JAKMIP1: variants seen among roughly 807,000 people sequenced by gnomAD.
JAKMIP1 encodes the protein janus kinase and microtubule-interacting protein 1.
JAKMIP1 carries 33 observed loss-of-function variants against 113.0 expected under a neutral mutation model. The ratio of observed to expected loss-of-function variants is 0.29; its 90% CI spans 0.22 to 0.39. The LOEUF (loss-of-function observed/expected upper bound fraction) is 0.39, where lower values mean the gene tolerates loss of function less well. Ranked by LOEUF, JAKMIP1 falls within the 10% of genes least tolerant of loss-of-function variation. JAKMIP1 has a pLI of 1.00. For synonymous variants in JAKMIP1, 480 were observed against 459.9 expected (o/e 1.04, Z -0.56); for missense variants, 813 against 1,080.5 (o/e 0.75, Z 3.47).
Position 6,152,789 on chromosome 4 carries a change from A to AATATATATATATATATATAT in JAKMIP1, c.-147-39812_-147-39793dup, listed in dbSNP as rs35192547. The stretch of plus-strand genomic sequence containing the variant: ...AAACTCTGTCTCTACTAAAAATACA[A>AATATATATATATATATATAT]ATATATATATATATATATATACATA... On this transcript the variant is annotated intron_variant, in intron 1 of 20. Transcript: ENST00000409021. 9.0e-4 allele frequency among the ~76,000 whole-genome samples: 121 copies of AATATATATATATATATATAT among 135,188 alleles called. 2 individuals are homozygous for AATATATATATATATATATAT. Among genetic ancestry groups the AATATATATATATATATATAT allele is most frequent in the Middle Eastern group, 3.8e-3 (1 of 262 alleles). The allele number at this position is 135,188 out of a possible 152,430, so 88.7% of individuals were successfully genotyped here. A position where few individuals can be genotyped will look rare whatever the true frequency, so the allele number is the denominator to read the frequency against.
chr4:6,126,973 A>G (rs1178413134), intron 1 of JAKMIP1, among the ~76,000 whole-genome samples: 1 of 151,786 alleles, frequency 6.6e-6, no homozygotes, highest in East Asian at 1.9e-4. Flanking sequence ...ACACCACACC[A>G]TACATAGACA....
rs146071157 is a variant in JAKMIP1, at chr4:6,065,456, T to C, written c.1303-448A>G. Among the ~76,000 whole-genome samples the C allele has an allele frequency of 9.9e-3, 1,507 of 152,256 alleles. 33 individuals carry two copies. Among genetic ancestry groups the C allele is most frequent in the African/African-American group, 0.034 (1,417 of 41,540 alleles). ...AGAAGGGGGACAGGGTCCAGGGAGA[T>C]GCTCAGTTCTAAGGAGAAGAACTGG... On this transcript the variant is annotated intron_variant, in intron 8 of 20. Transcript: ENST00000409021. The surrounding 1 kb of genome is among the most constrained non-coding windows in gnomAD (Gnocchi z 5.1).
chr4:6,046,055 A>G (rs1424227285), intron 16 of JAKMIP1, among the ~76,000 whole-genome samples: 1 of 152,226 alleles, frequency 6.6e-6, no homozygotes, highest in African/African-American at 2.4e-5. Context: ...ACTTCCCTGC[A>G]GTGCCTGTCG....
At chr4:6,146,972 T>G (rs993422055) in intron 1 of JAKMIP1, among the ~76,000 whole-genome samples, 4 of 152,174 alleles carry the variant, frequency 2.6e-5, no homozygotes, top group African/African-American at 7.2e-5. Flanking sequence ...TTTTTGTTTT[T>G]GGGGGGATGG....
intron 1 of JAKMIP1, among the ~76,000 whole-genome samples, chr4:6,163,509 C>T (rs905863523): frequency 2.0e-5 from 3 of 152,228 alleles, no homozygotes; most frequent in East Asian, 1.9e-4. Context: ...CTCAGGCCTC[C>T]CCATTCCCTG....
intron 16 of JAKMIP1, among the ~76,000 whole-genome samples, chr4:6,045,728 C>T (rs1041948669): frequency 3.3e-5 from 5 of 152,096 alleles, no homozygotes; most frequent in Non-Finnish European, 5.9e-5. Context: ...AAAAATTAGC[C>T]GGACGTGGCG....
Position 6,167,989 on chromosome 4 carries a change from C to G in JAKMIP1, c.-148+32264G>C, listed in dbSNP as rs112178160. ...GAGTCCGCCCATCCTCCACATCACC[C>G]GGTGTTCAACAGGGAAGACACACAA... On this transcript the variant is annotated intron_variant, in intron 1 of 20. Transcript: ENST00000409021. This position sits in a 1 kb window ranked among gnomAD's most constrained non-coding sequence, Gnocchi z 5.3. 6.6e-6 allele frequency among the ~76,000 whole-genome samples: 1 copy of G among 152,174 alleles called. No homozygotes were observed. The highest frequency in any genetic ancestry group is 1.5e-5 in the Non-Finnish European group (1 of 68,040).
chr4:6,031,161 G>T lies in JAKMIP1; in HGVS notation c.2380-1380C>A, dbSNP rs867760477. 6.6e-6 allele frequency among the ~76,000 whole-genome samples: 1 copy of T among 152,194 alleles called. No individual in the cohort carries two copies. Among genetic ancestry groups the T allele is most frequent in the Non-Finnish European group, 1.5e-5 (1 of 68,042 alleles). ...AAGAAAACCAAGAGGGGCTGGGCAC[G>T]GTGGCTCAAGCCTGTAATCCCAGCA... On this transcript the variant is annotated intron_variant, in intron 19 of 20. Transcript: ENST00000409021. The surrounding 1 kb of genome is among the most constrained non-coding windows in gnomAD (Gnocchi z 4.4).
chr4:6,178,061 C>T lies in JAKMIP1; in HGVS notation c.-148+22192G>A, dbSNP rs773817008. 6.6e-6 allele frequency among the ~76,000 whole-genome samples: 1 copy of T among 152,230 alleles called. No homozygotes were observed. Among genetic ancestry groups the T allele is most frequent in the Non-Finnish European group, 1.5e-5 (1 of 68,046 alleles). On this transcript the variant is annotated intron_variant, in intron 1 of 20. Transcript: ENST00000409021. The surrounding 1 kb of genome is among the most constrained non-coding windows in gnomAD (Gnocchi z 5.5). The stretch of plus-strand genomic sequence containing the variant: ...CCACTTCCTGTCCAGCCCCTAACCC[C>T]GCCTCGTTGGCCACGCCCACTTCAT...
Position 6,112,958 on chromosome 4 carries a change from CT to C in JAKMIP1, c.-109del. 7.0e-7 allele frequency: 1 copy of C among 1,430,366 alleles called. No homozygotes were observed. Among genetic ancestry groups the C allele is most frequent in the African/African-American group, 1.4e-5 (1 of 70,060 alleles). 88.6% of individuals were successfully genotyped at this position (1,430,366 alleles called of 1,614,324 possible). On this transcript the variant is annotated 5_prime_UTR_variant, in exon 2 of 21. An upstream open reading frame in the 5' UTR gains an earlier in-frame stop. Coordinates refer to ENST00000409021, the MANE Select transcript of JAKMIP1 (RefSeq NM_001099433.2). ...CACCGTGCTAACCAGTCGCGCAGGA[CT>C]CAGCTCGCCCTCCGAGGAAACCACC...
chr4:6,083,183 ACTTGAGGTCAGGAGTTCAAGACCAG>A (rs1277933377), intron 5 of JAKMIP1, among the ~76,000 whole-genome samples: 2 of 152,078 alleles, frequency 1.3e-5, no homozygotes, highest in African/African-American at 4.8e-5. Flanking sequence ...CAGGCAGATC[ACTTGAGGTCAGGAGTTCAAGACCAG>A]CCTGGCCAAC....
Position 6,049,975 on chromosome 4 carries a change from T to A in JAKMIP1, c.1909-103A>T. ...CCTCTGGACAAGACACCGCGCTCTT[T>A]CTTTTCTTTTCTGGCCAAGTTTTGC... is the stretch of plus-strand genomic sequence containing the variant. On this transcript the variant is annotated intron_variant, in intron 14 of 20. Transcript: ENST00000409021. The surrounding 1 kb of genome is among the most constrained non-coding windows in gnomAD (Gnocchi z 7.0). 1.3e-6 allele frequency: 1 copy of A among 775,832 alleles called. No individual in the cohort carries two copies. Among genetic ancestry groups the A allele is most frequent in the Non-Finnish European group, 2.2e-6 (1 of 463,808 alleles). 48.1% of individuals were successfully genotyped at this position (775,832 alleles called of 1,614,324 possible). A position where few individuals can be genotyped will look rare whatever the true frequency, so the allele number is the denominator to read the frequency against.
At chr4:6,169,143 A>G (rs1295527606) in intron 1 of JAKMIP1, among the ~76,000 whole-genome samples, 1 of 152,226 alleles carries the variant, frequency 6.6e-6, no homozygotes, top group Non-Finnish European at 1.5e-5. Context: ...ATTATATCTC[A>G]GTAACGCTAT....
rs1722035486 is a variant in JAKMIP1 at position 6,154,832 on chromosome 4, T to C, written c.-147-41835A>G. Among the ~76,000 whole-genome samples, 1 of 152,104 alleles carries C rather than the reference T, an allele frequency of 6.6e-6. No homozygotes were observed. The highest frequency in any genetic ancestry group is 2.4e-5 in the African/African-American group (1 of 41,412). On this transcript the variant is annotated intron_variant, in intron 1 of 20. Transcript: ENST00000409021. The surrounding 1 kb of genome is among the most constrained non-coding windows in gnomAD (Gnocchi z 4.2). ...GGACAGTCCTTCCTTCCTCCTCCAC[T>C]TGGGAAGCTCCTATTCATTCCTCGA...
intron 9 of JAKMIP1, among the ~76,000 whole-genome samples, 176 bp from the exon 10 acceptor site, chr4:6,062,616 C>T (rs535371235): frequency 6.6e-6 from 1 of 152,224 alleles, no homozygotes; most frequent in Non-Finnish European, 1.5e-5. Context: ...GCTTAAGGAG[C>T]CTCGCATTGC....
At chr4:6,054,768 C>A in intron 12 of JAKMIP1, 1 of 456,768 alleles carries the variant, frequency 2.2e-6, no homozygotes, top group Non-Finnish European at 4.4e-6. Context: ...AGAAGGGAAA[C>A]AGCAGCACCC....
At chr4:6,133,744 T>C (rs951456306) in intron 1 of JAKMIP1, among the ~76,000 whole-genome samples, 3 of 152,204 alleles carry the variant, frequency 2.0e-5, no homozygotes, top group Non-Finnish European at 4.4e-5. Flanking sequence ...CCTTGGCAAA[T>C]CTGCCACACA....
At position 6,049,655 on chromosome 4, in the gene JAKMIP1, C is replaced by A. The variant is rs768797205; in HGVS notation, c.1962+164G>T. Among the ~76,000 whole-genome samples, 15 of 152,062 alleles carry A rather than the reference C, an allele frequency of 9.9e-5. No individual in the cohort carries two copies. The highest frequency in any genetic ancestry group is 1.3e-4 in the Admixed American group (2 of 15,260). ...GAACCCCACTTCTGACGAATGCCAA[C>A]CCCACCACCCACACAGGAACACGGC... On this transcript the variant is annotated intron_variant, in intron 15 of 20. Coordinates refer to ENST00000409021, the MANE Select transcript of JAKMIP1 (RefSeq NM_001099433.2). The surrounding 1 kb of genome is among the most constrained non-coding windows in gnomAD (Gnocchi z 7.0).
chr4:6,082,982 A>G (rs1720806202), intron 5 of JAKMIP1, among the ~76,000 whole-genome samples: 1 of 152,322 alleles, frequency 6.6e-6, no homozygotes, highest in East Asian at 1.9e-4. Context: ...AACAATACAC[A>G]GCAGGGAAAA....
Sources: gnomAD v4.1 joint callset for allele counts (sites outside exome capture counted in the v4.1 genomes callset) on GRCh38, gnomAD v4.1.1 for gene constraint, Gnocchi (gnomAD v3.1) non-coding constraint, MANE v1.5 for transcripts, NCBI Gene and HGNC (gene_info 2026-07-23, HGNC 2026-07-21) for gene names.